Variants in SLC51A observed in about 807,000 individuals in gnomAD.
The protein encoded by SLC51A is organic solute transporter subunit alpha.
In SLC51A, 22 loss-of-function variants were observed where a neutral mutation model predicts 34.8. The observed-to-expected ratio is 0.63, with a 90% CI of 0.45 to 0.90. SLC51A has a LOEUF of 0.90. Ranked by LOEUF, SLC51A falls within the 40% of genes least tolerant of loss-of-function variation. The probability of loss-of-function intolerance (pLI) is 0.00; values close to 1 mark genes in which losing one functional copy is unlikely to be tolerated. For synonymous variants in SLC51A, 181 were observed against 176.3 expected, an observed-to-expected ratio of 1.03 and a Z score of -0.21; for missense variants, 371 against 414.8, an observed-to-expected ratio of 0.89 and a Z score of 0.92.
In SLC51A at chr3:196,232,422, C is replaced by G; in HGVS notation, c.784C>G (p.Leu262Val). 1.2e-6 allele frequency: 2 copies of G among 1,613,634 alleles called. No individual in the cohort carries two copies. Among genetic ancestry groups the G allele is most frequent in the Non-Finnish European group, 1.7e-6 (2 of 1,179,506 alleles). Residue 262 changes from leucine (L) to valine (V), a missense_variant, in exon 8 of 9, where the codon CTC becomes GTC. Coordinates refer to ENST00000296327, the MANE Select transcript of SLC51A (RefSeq NM_152672.6). ...GCCTCTCTTTTATGTTCCGCAGGTT[C>G]TCCTCATCCTGACTGCCCTACAGCC... ...MGAKFALFQV[L>V]LILTALQPSI...
In SLC51A at chr3:196,216,638, C is replaced by T; in HGVS notation, c.-75C>T. 1 of 1,493,752 alleles carries T rather than the reference C, an allele frequency of 6.7e-7. No individual in the cohort carries two copies. Among genetic ancestry groups the T allele is most frequent in the Non-Finnish European group, 9.1e-7 (1 of 1,098,906 alleles). The allele number at this position is 1,493,752 out of a possible 1,614,324, so 92.5% of individuals were successfully genotyped here. On this transcript the variant is annotated 5_prime_UTR_variant, in exon 1 of 9. Transcript: ENST00000296327. This position sits in a 1 kb window ranked among gnomAD's most constrained non-coding sequence, Gnocchi z 4.5. ...CCCGGCCCAGGCAAGCCACCCTGCC[C>T]CCGGCCCCCACCTGCCCGCCCCGCC... is the stretch of plus-strand genomic sequence containing the variant.
At chr3:196,229,668 C>G (rs1228569186) in intron 6 of SLC51A, among the ~76,000 whole-genome samples, 1 of 143,948 alleles carries the variant, frequency 6.9e-6, no homozygotes, top group Non-Finnish European at 1.5e-5. Context: ...TGAGCCACCA[C>G]GCCTGGCCCA....
Position 196,228,106 on chromosome 3 carries a change from C to G in SLC51A, c.363-9C>G, listed in dbSNP as rs781144406. The G allele has an allele frequency of 2.5e-6, 4 of 1,611,090 alleles. No individual in the cohort carries two copies. Among genetic ancestry groups the G allele is most frequent in the Non-Finnish European group, 3.4e-6 (4 of 1,178,244 alleles). Reference sequence around the variant, plus strand: ...AGACCTCGTAGGCCCTCTTCTCTCCCCACCCCAGGTTTTATGCCGTGTGCT... The same window carrying G: ...AGACCTCGTAGGCCCTCTTCTCTCCGCACCCCAGGTTTTATGCCGTGTGCT... On this transcript the variant is annotated splice_polypyrimidine_tract_variant and intron_variant, in intron 4 of 8. Transcript: ENST00000296327. The surrounding 1 kb of genome is among the most constrained non-coding windows in gnomAD (Gnocchi z 4.9).
intron 2 of SLC51A, among the ~76,000 whole-genome samples, chr3:196,219,929 C>A (rs1723701586): frequency 6.6e-6 from 1 of 152,240 alleles, no homozygotes; most frequent in Non-Finnish European, 1.5e-5. Context: ...AAACGGAAAC[C>A]CCAAGGCTGT....
rs772835142 is a variant in SLC51A at position 196,216,959 on chromosome 3, G to A, written c.38+209G>A. Among the ~76,000 whole-genome samples the A allele has an allele frequency of 6.6e-6, 1 of 152,240 alleles. No individual in the cohort carries two copies. Among genetic ancestry groups the A allele is most frequent in the Non-Finnish European group, 1.5e-5 (1 of 68,044 alleles). ...CAGGGCCTCGGCCTTGCCCCCCAGC[G>A]TGGGGAGAGAAAGGTCGCAGAGCGG... On this transcript the variant is annotated intron_variant, in intron 1 of 8. Transcript: ENST00000296327. The surrounding 1 kb of genome is among the most constrained non-coding windows in gnomAD (Gnocchi z 4.5).
intron 2 of SLC51A, among the ~76,000 whole-genome samples, chr3:196,226,356 G>A (rs1723893624): frequency 6.6e-6 from 1 of 151,870 alleles, no homozygotes; most frequent in Admixed American, 6.6e-5. Flanking sequence ...TAATGTCCTG[G>A]TTTCACCATA....
At chr3:196,232,372 G>C (rs749818862) in intron 7 of SLC51A, 47 bp from the exon 8 acceptor site, 2 of 1,500,336 alleles carry the variant, frequency 1.3e-6, no homozygotes, top group African/African-American at 1.4e-5. Flanking sequence ...GTTCTGTGCC[G>C]TGAGGGCAGG....
chr3:196,227,280 C>T (rs561309933), intron 3 of SLC51A, 161 bp downstream of exon 3: 1 of 703,486 alleles, frequency 1.4e-6, no homozygotes, highest in African/African-American at 1.8e-5. Flanking sequence ...AGTTAGGATC[C>T]TCTGCTTGGA....
At chr3:196,230,202 A>G in intron 7 of SLC51A, 141 bp downstream of exon 7, 1 of 821,938 alleles carries the variant, frequency 1.2e-6, no homozygotes, top group Non-Finnish European at 1.8e-6. Context: ...TTGGAAAATG[A>G]TTCCTGTGCT....
rs1723938226 is a variant in SLC51A, at chr3:196,227,954, C to A, written c.363-161C>A. ...CTCTGTTCCCACAGTCTGAAATTCC[C>A]CTTCTCCCAGTCCTGTGGGCCGTCT... On this transcript the variant is annotated intron_variant, in intron 4 of 8. Transcript: ENST00000296327. The A allele has an allele frequency of 2.9e-6, 3 of 1,049,776 alleles. No homozygotes were observed. In the Admixed American group the frequency reaches 7.0e-5, roughly 25 times the overall value. 65.0% of individuals were successfully genotyped at this position (1,049,776 alleles called of 1,614,324 possible). A position where few individuals can be genotyped will look rare whatever the true frequency, so the allele number is the denominator to read the frequency against.
intron 3 of SLC51A, 165 bp from the exon 4 acceptor site, chr3:196,227,499 G>A (rs1723926799): frequency 3.1e-6 from 2 of 650,672 alleles, no homozygotes; most frequent in Non-Finnish European, 5.5e-6. Context: ...CCCTCCCACA[G>A]GTCCTTGGTT....
At chr3:196,222,250 A>C (rs1198264663) in intron 2 of SLC51A, among the ~76,000 whole-genome samples, 1 of 152,218 alleles carries the variant, frequency 6.6e-6, no homozygotes, top group African/African-American at 2.4e-5. Flanking sequence ...AAGTATGATT[A>C]TATTCAAAAT....
intron 1 of SLC51A, among the ~76,000 whole-genome samples, chr3:196,217,066 C>T (rs1723603963): frequency 6.6e-6 from 1 of 152,226 alleles, no homozygotes; most frequent in Non-Finnish European, 1.5e-5. Context: ...ACTCACCCTT[C>T]CTCTGGGATC....
intron 2 of SLC51A, among the ~76,000 whole-genome samples, chr3:196,220,545 C>T (rs887584085): frequency 4.6e-5 from 7 of 151,452 alleles, no homozygotes; most frequent in African/African-American, 7.3e-5. Flanking sequence ...TGCAGTGAGC[C>T]GAGATCTCAC....
At chr3:196,221,128 T>C (rs1723744877) in intron 2 of SLC51A, among the ~76,000 whole-genome samples, 1 of 151,238 alleles carries the variant, frequency 6.6e-6, no homozygotes, top group East Asian at 2.0e-4. Flanking sequence ...TAAAATTAAA[T>C]GCTAAGAAAA....
chr3:196,232,874 A>T lies in SLC51A; in HGVS notation c.887-189A>T, dbSNP rs1269798887. 1.1e-5 allele frequency: 7 copies of T among 632,578 alleles called. No individual in the cohort carries two copies. In the Admixed American group the frequency reaches 2.0e-4, roughly 18 times the overall value. The allele number at this position is 632,578 out of a possible 1,614,324, so 39.2% of individuals were successfully genotyped here. ...TATGCCAGCCTCAGAGCACAGAAGT[A>T]GACAGCCAACTTCCGGTTCTGGCTC... On this transcript the variant is annotated intron_variant, in intron 8 of 8. Transcript: ENST00000296327.
intron 2 of SLC51A, chr3:196,223,877 T>TC (rs1351507474): frequency 2.7e-6 from 1 of 368,834 alleles, no homozygotes; most frequent in African/African-American, 2.4e-5. Context: ...TTTTTTTTTT[T>TC]CAGACAGAGT....
Position 196,229,949 on chromosome 3 carries a change from C to G in SLC51A, c.668C>G (p.Thr223Ser), listed in dbSNP as rs1418427737. 6.2e-7 allele frequency: 1 copy of G among 1,613,316 alleles called. No individual in the cohort carries two copies. The highest frequency in any genetic ancestry group is 8.5e-7 in the Non-Finnish European group (1 of 1,179,648). ...GGGAGCACAGCTCTATGGATCAACA[C>G]TTTCCTTGGCGTGTCCACACTGCTG... ...SEGSTALWINTFLGVSTLLAL... is the reference protein window; with the variant it reads ...SEGSTALWINSFLGVSTLLAL... The change falls in exon 7 of 9, where the codon ACT becomes AGT. Residue 223 changes from threonine (T) to serine (S), a missense_variant. By Grantham distance (58) the Thr-to-Ser change is moderately conservative. Coordinates refer to ENST00000296327, the MANE Select transcript of SLC51A (RefSeq NM_152672.6).
chr3:196,226,884 G>A, intron 2 of SLC51A, 81 bp from the exon 3 acceptor site: 1 of 1,444,382 alleles, frequency 6.9e-7, no homozygotes, highest in Non-Finnish European at 9.3e-7. Context: ...GATCCAGTAA[G>A]GCAATTTCGA....
Sources: gnomAD v4.1 joint callset for allele counts (sites outside exome capture counted in the v4.1 genomes callset) on GRCh38, gnomAD v4.1.1 for gene constraint, Gnocchi (gnomAD v3.1) non-coding constraint, MANE v1.5 for transcripts, NCBI Gene and HGNC (gene_info 2026-07-23, HGNC 2026-07-21) for gene names.